ATP11A: variants seen among roughly 807,000 people sequenced by gnomAD.
ATP11A encodes the protein ATPase phospholipid transporting 11A, also known as phospholipid-transporting ATPase IH.
ATP11A carries 81 observed loss-of-function variants against 154.4 expected under a neutral mutation model. The observed-to-expected ratio is 0.52, with a 90% CI of 0.44 to 0.63. The LOEUF is 0.63. Among genes scored for constraint, ATP11A ranks in the 30% least tolerant of loss-of-function variants. ATP11A has a pLI of 0.00. For missense variants in ATP11A, 1,316 were observed against 1,474.3 expected (o/e 0.89, Z 1.76); for synonymous variants, 623 against 585.9 (o/e 1.06, Z -0.91).
intron 12 of ATP11A, 144 bp from the exon 13 acceptor site, chr13:112,831,231 T>C (rs1177286792): frequency 5.8e-6 from 5 of 861,052 alleles, no homozygotes; most frequent in Admixed American, 2.6e-5. Flanking sequence ...AGTGAGGGGG[T>C]CTGTCTGGGG....
chr13:112,810,800 G>A, intron 5 of ATP11A, 74 bp downstream of exon 5: 2 of 1,336,932 alleles, frequency 1.5e-6, no homozygotes, highest in Non-Finnish European at 2.1e-6. Flanking sequence ...CCCAGGTGCA[G>A]TGGCTCGCGC....
At chr13:112,829,087 C>T (rs191460420) in intron 12 of ATP11A, among the ~76,000 whole-genome samples, 6 of 152,334 alleles carry the variant, frequency 3.9e-5, no homozygotes, top group African/African-American at 1.4e-4. Flanking sequence ...GAAACTGAGT[C>T]AGGAGCAGGC....
At chr13:112,724,492 G>GCCCTCGT (rs113673404) in intron 1 of ATP11A, among the ~76,000 whole-genome samples, 1 of 151,492 alleles carries the variant, frequency 6.6e-6, no homozygotes, top group Non-Finnish European at 1.5e-5. Flanking sequence ...CTGTCACGTG[G>GCCCTCGT]CCCTCCTCCA....
At chr13:112,716,437 G>A (rs1377073929) in intron 1 of ATP11A, among the ~76,000 whole-genome samples, 1 of 151,986 alleles carries the variant, frequency 6.6e-6, no homozygotes, top group Non-Finnish European at 1.5e-5. Context: ...CCAACCCAGT[G>A]GTCTGTGGTG....
Position 112,734,543 on chromosome 13 carries a change from G to T in ATP11A, c.39+44088G>T, listed in dbSNP as rs184659053. On this transcript the variant is annotated intron_variant, in intron 1 of 29. Coordinates refer to ENST00000375645, the MANE Select transcript of ATP11A (RefSeq NM_015205.3). ...GCCATCAACCGCCGAGGAACTGCAGGCTGCCCGGAGAGTCAAACCCTGACT... is the reference window on the plus strand; with the variant it reads ...GCCATCAACCGCCGAGGAACTGCAGTCTGCCCGGAGAGTCAAACCCTGACT... Among the ~76,000 whole-genome samples, 831 of 152,234 alleles carry T rather than the reference G, an allele frequency of 5.5e-3. 10 individuals are homozygous for T. The highest frequency in any genetic ancestry group is 7.1e-3 in the Non-Finnish European group (484 of 68,002).
rs1389518339 is a variant in ATP11A at position 112,851,126 on chromosome 13, G to T, written c.1899G>T (p.Val633=). 2 of 1,614,092 alleles carry T rather than the reference G, an allele frequency of 1.2e-6. No homozygotes were observed. The highest frequency in any genetic ancestry group is 2.7e-5 in the African/African-American group (2 of 74,940). Residue 633 remains valine, a synonymous_variant, in exon 18 of 30, where the codon GTG becomes GTT. Coordinates refer to ENST00000375645, the MANE Select transcript of ATP11A (RefSeq NM_015205.3). ...GICKLLQAAK[V]ALQDREKKLA... ...GTAAGCTGCTGCAGGCTGCCAAAGT[G>T]GCCCTTCAAGATCGAGAGAAAAAGT...
At chr13:112,730,442 C>T (rs1890367300) in intron 1 of ATP11A, among the ~76,000 whole-genome samples, 1 of 152,222 alleles carries the variant, frequency 6.6e-6, no homozygotes, top group Non-Finnish European at 1.5e-5. Flanking sequence ...TCTGGAACCT[C>T]GTGGCTGGCG....
chr13:112,713,907 C>A (rs1309132909), intron 1 of ATP11A, among the ~76,000 whole-genome samples: 1 of 146,906 alleles, frequency 6.8e-6, no homozygotes, highest in African/African-American at 2.5e-5. Flanking sequence ...TTCCACTCCT[C>A]CCACCCCTGA....
At chr13:112,847,616 A>G (rs912605963) in intron 17 of ATP11A, among the ~76,000 whole-genome samples, 9 of 151,956 alleles carry the variant, frequency 5.9e-5, no homozygotes, top group African/African-American at 1.9e-4. Flanking sequence ...CATTTTCTCT[A>G]TGTCTGTCTT....
intron 16 of ATP11A, among the ~76,000 whole-genome samples, chr13:112,841,471 C>T (rs553837093): frequency 1.2e-4 from 15 of 124,456 alleles, no homozygotes; most frequent in African/African-American, 4.4e-4. Flanking sequence ...GTCGGGAGCA[C>T]CTGCGCCCAG....
intron 2 of ATP11A, among the ~76,000 whole-genome samples, chr13:112,787,223 C>A (rs1275973290): frequency 2.2e-5 from 3 of 138,562 alleles, no homozygotes; most frequent in Non-Finnish European, 4.5e-5. Context: ...GATGTGTAGA[C>A]CCCTGTGGAT....
intron 1 of ATP11A, among the ~76,000 whole-genome samples, chr13:112,712,499 A>G (rs566157042): frequency 1.3e-5 from 2 of 152,142 alleles, no homozygotes; most frequent in Non-Finnish European, 2.9e-5. Context: ...GGGGATCGTG[A>G]GGTGAGGGAC....
At chr13:112,748,514 C>T (rs560986556) in intron 1 of ATP11A, among the ~76,000 whole-genome samples, 200 of 152,142 alleles carry the variant, frequency 1.3e-3, no homozygotes, top group African/African-American at 4.6e-3. Context: ...TGTAGGTATG[C>T]GCTCCCACAC....
chr13:112,728,818 G>A (rs1034740489), intron 1 of ATP11A, among the ~76,000 whole-genome samples: 3 of 152,136 alleles, frequency 2.0e-5, no homozygotes, highest in Non-Finnish European at 4.4e-5. Flanking sequence ...GTTATGGACT[G>A]ATTGGATTTA....
rs187876050 is a variant in ATP11A at position 112,770,082 on chromosome 13, G to C, written c.40-15053G>C. Among the ~76,000 whole-genome samples, 826 of 152,278 alleles carry C rather than the reference G, an allele frequency of 5.4e-3. 7 individuals are homozygous for C. The highest frequency in any genetic ancestry group is 0.018 in the African/African-American group (744 of 41,548). On this transcript the variant is annotated intron_variant, in intron 1 of 29. Coordinates refer to ENST00000375645, the MANE Select transcript of ATP11A (RefSeq NM_015205.3). ...GGCTCCAAGCGATGCTTTGGTCACC[G>C]GCTCTTTTCCTCTGTGTCTCGACTC...
chr13:112,788,052 AC>A (rs2077706344), intron 2 of ATP11A, among the ~76,000 whole-genome samples: 1 of 148,428 alleles, frequency 6.7e-6, no homozygotes. Flanking sequence ...TGATGTGTAG[AC>A]CCCTGTGGAT....
chr13:112,751,017 G>T (rs2076678039), intron 1 of ATP11A, among the ~76,000 whole-genome samples: 1 of 152,228 alleles, frequency 6.6e-6, no homozygotes, highest in Admixed American at 6.5e-5. Flanking sequence ...GGGAATTGAG[G>T]CATAACACGT....
chr13:112,777,098 T>C (rs2077367906), intron 1 of ATP11A, among the ~76,000 whole-genome samples: 2 of 152,140 alleles, frequency 1.3e-5, no homozygotes, highest in Non-Finnish European at 2.9e-5. Context: ...AGGGAAATTT[T>C]CCTCGACCAC....
intron 5 of ATP11A, chr13:112,811,900 C>G (rs1482506726): frequency 6.6e-6 from 1 of 152,192 alleles, no homozygotes; most frequent in Non-Finnish European, 1.5e-5. Context: ...GCCACCGCAT[C>G]CGGCCAAAAA....
Sources: gnomAD v4.1 joint callset for allele counts (sites outside exome capture counted in the v4.1 genomes callset) on GRCh38, gnomAD v4.1.1 for gene constraint, MANE v1.5 for transcripts, NCBI Gene and HGNC (gene_info 2026-07-23, HGNC 2026-07-21) for gene names.